Variants in HMBOX1 observed in about 807,000 individuals in gnomAD.
HMBOX1 encodes the protein homeobox-containing protein 1.
Under a neutral mutation model 54.5 loss-of-function variants are expected in HMBOX1, and 14 were observed. That is an observed-to-expected ratio of 0.26 (90% CI 0.17 to 0.40). HMBOX1 has a LOEUF of 0.40. Ranked by LOEUF, HMBOX1 falls within the 10% of genes least tolerant of loss-of-function variation. HMBOX1 has a pLI of 1.00. For missense variants in HMBOX1, 332 were observed against 514.4 expected, an observed-to-expected ratio of 0.65 and a Z score of 3.43; for synonymous variants, 160 against 181.0, an observed-to-expected ratio of 0.88 and a Z score of 0.93.
At chr8:28,981,025 A>T (rs1485252268) in intron 4 of HMBOX1, among the ~76,000 whole-genome samples, 1 of 152,154 alleles carries the variant, frequency 6.6e-6, no homozygotes, top group African/African-American at 2.4e-5. Context: ...CTACAATGAA[A>T]TACTTGGATC....
chr8:29,032,224 T>C (rs1803094601), intron 6 of HMBOX1, among the ~76,000 whole-genome samples: 1 of 149,982 alleles, frequency 6.7e-6, no homozygotes, highest in South Asian at 2.1e-4. Context: ...CTCCCAGATA[T>C]AAAACAGAAG....
At chr8:29,000,522 T>C (rs1832488851) in intron 4 of HMBOX1, among the ~76,000 whole-genome samples, 1 of 152,266 alleles carries the variant, frequency 6.6e-6, no homozygotes, top group South Asian at 2.1e-4. Context: ...GTTGTTGTCA[T>C]TGCCTCAGGC....
intron 5 of HMBOX1, among the ~76,000 whole-genome samples, chr8:29,012,956 G>T (rs1834402059): frequency 6.6e-6 from 1 of 152,100 alleles, no homozygotes; most frequent in African/African-American, 2.4e-5. Flanking sequence ...TGTAAATAGT[G>T]TGATCCCTTT....
chr8:28,940,298 G>A (rs1266625275), intron 1 of HMBOX1, among the ~76,000 whole-genome samples: 2 of 152,100 alleles, frequency 1.3e-5, no homozygotes, highest in South Asian at 2.1e-4. Context: ...TGAGCCCACC[G>A]CACCTGGCCT....
intron 6 of HMBOX1, among the ~76,000 whole-genome samples, chr8:29,037,443 GT>G (rs1203456034): frequency 1.3e-5 from 2 of 152,012 alleles, no homozygotes; most frequent in East Asian, 1.9e-4. Flanking sequence ...AAATTAGCAC[GT>G]GCTTAATATA....
chr8:29,031,643 T>C (rs185482824), intron 6 of HMBOX1, among the ~76,000 whole-genome samples: 92 of 152,150 alleles, frequency 6.0e-4, no homozygotes, highest in African/African-American at 2.2e-3. Context: ...CTTATGGAAA[T>C]TGCTTATTAT....
intron 4 of HMBOX1, among the ~76,000 whole-genome samples, chr8:28,991,947 T>G (rs1831041878): frequency 6.6e-6 from 1 of 152,238 alleles, no homozygotes; most frequent in African/African-American, 2.4e-5. Context: ...AACTGTTTTA[T>G]GTACTTGAGA....
At chr8:28,931,830 T>A (rs144125730) in intron 1 of HMBOX1, among the ~76,000 whole-genome samples, 9 of 152,300 alleles carry the variant, frequency 5.9e-5, no homozygotes, top group African/African-American at 2.2e-4. Flanking sequence ...CGTGAGCTAC[T>A]GCACCCAGCC....
chr8:28,924,668 A>G (rs1200692810), intron 1 of HMBOX1: 2 of 152,100 alleles, frequency 1.3e-5, no homozygotes, highest in Non-Finnish European at 2.9e-5. Context: ...GCTGGAGTGC[A>G]ATGGTGTAAT....
At chr8:28,892,199 A>T (rs959273861) in intron 1 of HMBOX1, among the ~76,000 whole-genome samples, 2 of 152,218 alleles carry the variant, frequency 1.3e-5, no homozygotes, top group African/African-American at 2.4e-5. Flanking sequence ...TCACATCAGG[A>T]TTGCAGTGCT....
chr8:28,960,073 A>G (rs1240579777), intron 1 of HMBOX1, among the ~76,000 whole-genome samples: 1 of 151,804 alleles, frequency 6.6e-6, no homozygotes, highest in African/African-American at 2.4e-5. Context: ...CAAAGAGCCA[A>G]CATTTGGACT....
intron 1 of HMBOX1, among the ~76,000 whole-genome samples, chr8:28,960,138 T>A (rs1264993698): frequency 1.3e-5 from 2 of 151,942 alleles, no homozygotes; most frequent in African/African-American, 4.8e-5. Context: ...TATTTCTTAG[T>A]TCCATTTTTC....
At chr8:28,989,758 G>A (rs1474329410) in intron 4 of HMBOX1, among the ~76,000 whole-genome samples, 1 of 152,136 alleles carries the variant, frequency 6.6e-6, no homozygotes, top group Admixed American at 6.5e-5. Context: ...TAGTGAGATT[G>A]GGATTGTGTT....
chr8:28,981,205 C>A (rs1381635104), intron 4 of HMBOX1, among the ~76,000 whole-genome samples: 1 of 152,032 alleles, frequency 6.6e-6, no homozygotes, highest in Admixed American at 6.5e-5. Flanking sequence ...TAAGGTCAGC[C>A]AATCTTTTAT....
rs192250852 is a variant in HMBOX1 at position 29,030,226 on chromosome 8, T to A, written c.851+11313T>A. Among the ~76,000 whole-genome samples the A allele has an allele frequency of 2.3e-3, 357 of 152,022 alleles. 1 individual carries two copies. The highest frequency in any genetic ancestry group is 3.1e-3 in the Non-Finnish European group (212 of 67,970). On this transcript the variant is annotated intron_variant, in intron 6 of 9. Transcript: ENST00000287701. The stretch of plus-strand genomic sequence containing the variant: ...AAAAAGCAAATTGGTCAATACCTTT[T>A]GTTTTTTTGAGACGGAGTTTTGCTT...
chr8:29,005,858 G>A (rs568398198), intron 4 of HMBOX1, among the ~76,000 whole-genome samples: 33 of 152,174 alleles, frequency 2.2e-4, no homozygotes, highest in Non-Finnish European at 4.6e-4. Flanking sequence ...GTGTGTCTGT[G>A]TTATAGGTTT....
At chr8:28,942,796 T>C (rs1821690206) in intron 1 of HMBOX1, among the ~76,000 whole-genome samples, 1 of 152,240 alleles carries the variant, frequency 6.6e-6, no homozygotes, top group Admixed American at 6.5e-5. Flanking sequence ...TCTTTTGGTA[T>C]TACAAATAAT....
intron 4 of HMBOX1, among the ~76,000 whole-genome samples, chr8:29,001,006 G>T (rs1832549942): frequency 6.6e-6 from 1 of 152,172 alleles, no homozygotes; most frequent in Admixed American, 6.5e-5. Flanking sequence ...AGCAGATTTT[G>T]CTGTTGTTGC....
intron 1 of HMBOX1, among the ~76,000 whole-genome samples, chr8:28,911,750 A>G (rs1030803140): frequency 6.6e-6 from 1 of 152,052 alleles, no homozygotes; most frequent in Non-Finnish European, 1.5e-5. Flanking sequence ...TGACACCAGC[A>G]CTACACCATT....
Sources: allele counts gnomAD v4.1 joint callset (sites outside exome capture counted in the v4.1 genomes callset), GRCh38; gene constraint gnomAD v4.1.1; transcripts MANE v1.5; gene names NCBI Gene and HGNC (gene_info 2026-07-23, HGNC 2026-07-21).